The following MAML3 variants were observed in gnomAD, a reference collection of about 807,000 sequenced individuals.
MAML3 encodes the protein mastermind-like protein 3.
In MAML3, 27 loss-of-function variants were observed where a neutral mutation model predicts 101.9. The ratio of observed to expected loss-of-function variants is 0.27; its 90% CI spans 0.20 to 0.37. MAML3 has a LOEUF of 0.37. MAML3 is among the 10% of genes least tolerant of loss of function. The pLI is 1.00. For synonymous variants in MAML3, 501 were observed against 555.9 expected, an observed-to-expected ratio of 0.90 and a Z score of 1.39; for missense variants, 1,316 against 1,444.9, an observed-to-expected ratio of 0.91 and a Z score of 1.45.
intron 2 of MAML3, among the ~76,000 whole-genome samples, chr4:139,823,445 C>T (rs1350038): frequency 0.43 from 65,305 of 151,894 alleles, 14,225 homozygotes; most frequent in Admixed American, 0.47. Flanking sequence ...GCAACAAAGG[C>T]CATGAACTGT....
chr4:140,064,138 T>C (rs1481610556), intron 1 of MAML3, among the ~76,000 whole-genome samples: 1 of 152,224 alleles, frequency 6.6e-6, no homozygotes, highest in East Asian at 1.9e-4. Flanking sequence ...TTTAATAATT[T>C]GGTTCTAATC....
intron 2 of MAML3, among the ~76,000 whole-genome samples, chr4:139,776,786 G>A (rs1730105274): frequency 6.6e-6 from 1 of 152,224 alleles, no homozygotes; most frequent in Non-Finnish European, 1.5e-5. Context: ...GAAAAAGAGT[G>A]ACATGTAAAG....
intron 1 of MAML3, among the ~76,000 whole-genome samples, chr4:139,920,651 G>A (rs190351064): frequency 5.3e-4 from 81 of 152,280 alleles, no homozygotes; most frequent in Non-Finnish European, 1.0e-3. Context: ...TTCATTAATG[G>A]AGGGCACACA....
chr4:139,785,240 C>T lies in MAML3; in HGVS notation c.2080-54573G>A, dbSNP rs920990308. On this transcript the variant is annotated intron_variant, in intron 2 of 4. Transcript: ENST00000509479. The surrounding 1 kb of genome is among the most constrained non-coding windows in gnomAD (Gnocchi z 4.3). ...CCCTCAGCTTCTGGGTCCTCCCACA[C>T]GGTGCCGGATCCTGATACCAAGACC... 1.3e-5 allele frequency among the ~76,000 whole-genome samples: 2 copies of T among 152,192 alleles called. No individual in the cohort carries two copies. Among genetic ancestry groups the T allele is most frequent in the East Asian group, 1.9e-4 (1 of 5,190 alleles).
intron 1 of MAML3, among the ~76,000 whole-genome samples, chr4:140,092,703 T>TC (rs1728081359): frequency 1.3e-5 from 2 of 152,144 alleles, no homozygotes; most frequent in African/African-American, 4.8e-5. Context: ...GCCGACTGGC[T>TC]TCCAGAGGCG....
intron 1 of MAML3, among the ~76,000 whole-genome samples, chr4:139,968,309 T>TAAAAA (rs60977680): frequency 0.028 from 2,976 of 106,098 alleles, 112 homozygotes; most frequent in African/African-American, 0.093. Flanking sequence ...GGCTCTGTCT[T>TAAAAA]AAAAAAAAAA....
At chr4:140,019,823 G>T (rs1726704099) in intron 1 of MAML3, among the ~76,000 whole-genome samples, 1 of 152,030 alleles carries the variant, frequency 6.6e-6, no homozygotes, top group Non-Finnish European at 1.5e-5. Flanking sequence ...GGTATAAAAG[G>T]GTGCCTTTAA....
rs920688371 is a variant in MAML3, at chr4:140,152,942, G to T, written c.386C>A (p.Thr129Asn). 1.9e-6 allele frequency: 3 copies of T among 1,612,466 alleles called. No homozygotes were observed. The highest frequency in any genetic ancestry group is 2.5e-6 in the Non-Finnish European group (3 of 1,179,546). ...TTTGCTCGGGTGCTGCTGTTTGCCG[G>T]TGCCGGCGCCCGATTTCTTGGCCCT... ...EQRAKKSGAGTGKQQHPSKPQ... is the reference protein window; with the variant it reads ...EQRAKKSGAGNGKQQHPSKPQ... The change falls in exon 1 of 5, where the codon ACC becomes AAC. Residue 129 changes from threonine (T) to asparagine (N), a missense_variant. Transcript: ENST00000509479.
At chr4:140,017,848 A>ATCTTGATT (rs1726667628) in intron 1 of MAML3, among the ~76,000 whole-genome samples, 1 of 152,098 alleles carries the variant, frequency 6.6e-6, no homozygotes, top group South Asian at 2.1e-4. Context: ...AATGTTCTGT[A>ATCTTGATT]TCTTGATTGT....
chr4:139,918,885 C>T (rs1040342537), intron 1 of MAML3, among the ~76,000 whole-genome samples: 3 of 152,110 alleles, frequency 2.0e-5, no homozygotes, highest in East Asian at 1.9e-4. Flanking sequence ...AGCAGAGTAC[C>T]GCGCATACCT....
At chr4:139,842,578 G>T (rs1259649610) in intron 2 of MAML3, among the ~76,000 whole-genome samples, 2 of 151,920 alleles carry the variant, frequency 1.3e-5, no homozygotes, top group Non-Finnish European at 2.9e-5. Context: ...GAGTGCAGTG[G>T]TGCAATCTTG....
At position 140,153,364 on chromosome 4, in the gene MAML3, T is replaced by G. The variant is rs768524362; in HGVS notation, c.-37A>C. 1.3e-6 allele frequency: 2 copies of G among 1,528,844 alleles called. No homozygotes were observed. Among genetic ancestry groups the G allele is most frequent in the South Asian group, 1.3e-5 (1 of 76,668 alleles). 94.7% of individuals were successfully genotyped at this position (1,528,844 alleles called of 1,614,324 possible). On this transcript the variant is annotated 5_prime_UTR_variant, in exon 1 of 5. Transcript: ENST00000509479. ...GGCACACTATTTTGGAAGAACTTTT[T>G]TTATCCACCCCCCTATCAGCCTCCT...
chr4:139,948,319 T>C (rs183387315), intron 1 of MAML3, among the ~76,000 whole-genome samples: 2 of 152,276 alleles, frequency 1.3e-5, no homozygotes, highest in Admixed American at 6.5e-5. Flanking sequence ...GATGGGCCTT[T>C]AGGGAAAATA....
chr4:140,082,893 T>C (rs893874238), intron 1 of MAML3, among the ~76,000 whole-genome samples: 5 of 152,096 alleles, frequency 3.3e-5, no homozygotes, highest in African/African-American at 9.7e-5. Context: ...TATTTACAAG[T>C]GAACTGGACT....
intron 2 of MAML3, among the ~76,000 whole-genome samples, chr4:139,884,556 C>A (rs1162083941): frequency 6.6e-6 from 1 of 152,174 alleles, no homozygotes; most frequent in African/African-American, 2.4e-5. Flanking sequence ...GGCCTGTGAC[C>A]GTCCTTGACC....
chr4:139,975,242 C>T (rs906998775), intron 1 of MAML3, among the ~76,000 whole-genome samples: 6 of 152,138 alleles, frequency 3.9e-5, no homozygotes, highest in African/African-American at 1.2e-4. Flanking sequence ...CAGAGTCTTC[C>T]TCATATACCA....
Position 139,889,903 on chromosome 4 carries a change from GTGCTGT to G in MAML3, c.1527_1532del (p.Gln509_Gln510del). On this transcript the variant is annotated inframe_deletion, in exon 2 of 5. Transcript: ENST00000509479. ...GAGACCAATTTGAAGTCTGATTTGA[GTGCTGT>G]TGCTGCTGCTGCTGCTGCTGCTGCT... 1 of 1,607,862 alleles carries G rather than the reference GTGCTGT, an allele frequency of 6.2e-7. No individual in the cohort carries two copies. Among genetic ancestry groups the G allele is most frequent in the Non-Finnish European group, 8.5e-7 (1 of 1,178,506 alleles).
chr4:139,910,485 CTGAGG>C (rs149404212), intron 1 of MAML3, among the ~76,000 whole-genome samples: 1,706 of 152,216 alleles, frequency 0.011, 32 homozygotes, highest in African/African-American at 0.039. Context: ...TATTTAAATA[CTGAGG>C]TATTTATTTT....
intron 2 of MAML3, among the ~76,000 whole-genome samples, chr4:139,886,318 T>A (rs1402533158): frequency 1.3e-5 from 2 of 152,150 alleles, no homozygotes; most frequent in South Asian, 2.1e-4. Context: ...CTTTTTTAAG[T>A]AGGGAGTTTC....
Sources: allele counts gnomAD v4.1 joint callset (sites outside exome capture counted in the v4.1 genomes callset), GRCh38; gene constraint gnomAD v4.1.1; non-coding constraint Gnocchi (gnomAD v3.1); transcripts MANE v1.5; gene names NCBI Gene and HGNC (gene_info 2026-07-23, HGNC 2026-07-21).